The following RABGAP1 variants were observed in gnomAD, a reference collection of about 807,000 sequenced individuals.
RABGAP1 encodes the protein rab GTPase-activating protein 1.
Under a neutral mutation model 137.6 loss-of-function variants are expected in RABGAP1, and 23 were observed. That is an observed-to-expected ratio of 0.17 (90% confidence interval 0.12 to 0.24). The LOEUF (loss-of-function observed/expected upper bound fraction) is 0.24. Among genes scored for constraint, RABGAP1 ranks in the 10% least tolerant of loss-of-function variants. The pLI is 1.00. For synonymous variants in RABGAP1, 451 were observed against 450.7 expected, an observed-to-expected ratio of 1.00 and a Z score of -0.01; for missense variants, 906 against 1,275.8, an observed-to-expected ratio of 0.71 and a Z score of 4.42.
intron 19 of RABGAP1, among the ~76,000 whole-genome samples, chr9:123,086,410 G>C (rs1328268451): frequency 6.6e-6 from 1 of 152,208 alleles, no homozygotes; most frequent in African/African-American, 2.4e-5. Flanking sequence ...TTCTGGCCTG[G>C]AGAAGACATT....
rs1446893143 is a variant in RABGAP1 at position 123,104,224 on chromosome 9, G to C, written c.*1011G>C. ...TTTGCACAACAGGTTGTCCAAGTGA[G>C]AAAGACTGAGTTGCGTGTCTGTAAA... On this transcript the variant is annotated 3_prime_UTR_variant, in exon 26 of 26. Coordinates refer to ENST00000373647, the MANE Select transcript of RABGAP1 (RefSeq NM_012197.4). 3.3e-5 allele frequency: 5 copies of C among 152,652 alleles called. No homozygotes were observed. The East Asian group carries it at 9.7e-4, about 30-fold the overall frequency. The allele number at this position is 152,652 out of a possible 1,614,324, so 9.5% of individuals were successfully genotyped here. A position where few individuals can be genotyped will look rare whatever the true frequency, so the allele number is the denominator to read the frequency against.
At chr9:123,099,333 C>A in intron 23 of RABGAP1, 145 bp from the exon 24 acceptor site, 1 of 706,902 alleles carries the variant, frequency 1.4e-6, no homozygotes, top group Non-Finnish European at 2.4e-6. Flanking sequence ...CCTGCTTATC[C>A]ATCGACTTCA....
chr9:123,047,786 G>A (rs1002846223), intron 13 of RABGAP1, among the ~76,000 whole-genome samples: 2 of 151,934 alleles, frequency 1.3e-5, no homozygotes, highest in Non-Finnish European at 2.9e-5. Flanking sequence ...GACCTCTTAC[G>A]GAATTCTTAA....
chr9:123,067,295 A>G (rs2034207958), intron 14 of RABGAP1, among the ~76,000 whole-genome samples: 1 of 152,004 alleles, frequency 6.6e-6, no homozygotes, highest in African/African-American at 2.4e-5. Flanking sequence ...CTCTCTCTTC[A>G]CTGCCCTGGT....
intron 2 of RABGAP1, among the ~76,000 whole-genome samples, chr9:122,958,406 C>T (rs980851492): frequency 3.3e-5 from 5 of 152,068 alleles, no homozygotes; most frequent in Admixed American, 1.3e-4. Flanking sequence ...AATTTAGGTG[C>T]TGTGAAGAAT....
intron 1 of RABGAP1, among the ~76,000 whole-genome samples, chr9:122,948,013 T>C (rs1042047094): frequency 6.7e-6 from 1 of 149,922 alleles, no homozygotes; most frequent in East Asian, 2.0e-4. Context: ...TGAAAACCAG[T>C]GCAGTGAAAC....
chr9:122,977,491 C>CG (rs1310235900), intron 2 of RABGAP1, among the ~76,000 whole-genome samples: 1 of 152,162 alleles, frequency 6.6e-6, no homozygotes, highest in Non-Finnish European at 1.5e-5. Context: ...TACTTGAGGC[C>CG]AGGAGTTTGA....
intron 19 of RABGAP1, among the ~76,000 whole-genome samples, chr9:123,088,977 G>A (rs2034955002): frequency 1.3e-5 from 2 of 152,218 alleles, no homozygotes; most frequent in Non-Finnish European, 2.9e-5. Flanking sequence ...AGAGTAGTCA[G>A]AGCAGAGGCC....
In RABGAP1 at chr9:122,997,338, T is replaced by C. The variant is rs1362538928; in HGVS notation, c.1181T>C (p.Val394Ala). 4.4e-6 allele frequency: 7 copies of C among 1,608,848 alleles called. No homozygotes were observed. The highest frequency in any genetic ancestry group is 5.9e-6 in the Non-Finnish European group (7 of 1,176,478). The change falls in exon 9 of 26, where the codon GTT becomes GCT. Residue 394 changes from valine (V) to alanine (A), a missense_variant. By Grantham distance (64) the Val-to-Ala change is moderately conservative. Coordinates refer to ENST00000373647, the MANE Select transcript of RABGAP1 (RefSeq NM_012197.4). ...AATCCAAAATCCCCACATTTTCAAG[T>C]TGTAAATGAAGAAACTCCTAAAGGT... ...SWNPKSPHFQ[V>A]VNEETPKDKV...
upstream of RABGAP1, chr9:122,938,685 T>A (rs947078433): frequency 6.6e-6 from 1 of 152,338 alleles, no homozygotes; most frequent in East Asian, 1.9e-4. Context: ...ATGTTATGTA[T>A]CTAACATAAT....
Position 123,047,944 on chromosome 9 carries a change from T to G in RABGAP1, c.1795-17404T>G, listed in dbSNP as rs887333058. ...GTTTTTTTTTTTTTTTTTTTTTTTT[T>G]TTTTTTTTTTTGAGACGGAGTCTTG... On this transcript the variant is annotated intron_variant, in intron 13 of 25. Transcript: ENST00000373647. Among the ~76,000 whole-genome samples, 35 of 98,582 alleles carry G rather than the reference T, an allele frequency of 3.6e-4. 1 individual carries two copies. Among genetic ancestry groups the G allele is most frequent in the Middle Eastern group, 4.2e-3 (1 of 236 alleles). 64.7% of individuals were successfully genotyped at this position (98,582 alleles called of 152,430 possible).
intron 2 of RABGAP1, among the ~76,000 whole-genome samples, chr9:122,965,537 C>A (rs1270829274): frequency 6.6e-6 from 1 of 152,170 alleles, no homozygotes; most frequent in East Asian, 1.9e-4. Context: ...GCATGCACCA[C>A]CATGCTTGGC....
chr9:122,996,821 G>A, intron 8 of RABGAP1: 1 of 494,834 alleles, frequency 2.0e-6, no homozygotes, highest in Non-Finnish European at 3.6e-6. Context: ...GTGTGGTGGT[G>A]ATAAAATTCT....
At chr9:123,036,434 G>A (rs1484802096) in intron 13 of RABGAP1, among the ~76,000 whole-genome samples, 1 of 152,190 alleles carries the variant, frequency 6.6e-6, no homozygotes, top group Non-Finnish European at 1.5e-5. Flanking sequence ...AGCAAAATGT[G>A]CTTAAGCTAA....
At chr9:123,053,864 G>T (rs1233042047) in intron 13 of RABGAP1, among the ~76,000 whole-genome samples, 1 of 152,140 alleles carries the variant, frequency 6.6e-6, no homozygotes, top group Non-Finnish European at 1.5e-5. Flanking sequence ...GCCGTTCTTA[G>T]CTTTCTATTT....
intron 13 of RABGAP1, among the ~76,000 whole-genome samples, chr9:123,043,173 T>C (rs2033034910): frequency 6.6e-6 from 1 of 152,186 alleles, no homozygotes; most frequent in African/African-American, 2.4e-5. Context: ...TACTGAAGGA[T>C]ATGCTTCTCC....
intron 13 of RABGAP1, chr9:123,034,573 T>A (rs2032504782): frequency 1.3e-6 from 2 of 1,597,100 alleles, no homozygotes; most frequent in African/African-American, 2.7e-5. Context: ...CAAGATGAAC[T>A]CCACCTTGGA....
intron 13 of RABGAP1, among the ~76,000 whole-genome samples, chr9:123,048,026 G>A (rs1183309260): frequency 1.5e-5 from 2 of 131,960 alleles, no homozygotes; most frequent in East Asian, 2.4e-4. Context: ...GCGAACCTCC[G>A]CCTCCCAGGT....
At chr9:123,089,281 C>T (rs1461577354) in intron 19 of RABGAP1, among the ~76,000 whole-genome samples, 1 of 152,124 alleles carries the variant, frequency 6.6e-6, no homozygotes, top group Non-Finnish European at 1.5e-5. Flanking sequence ...TCCCAGATCT[C>T]CCAGTCCCTT....
Sources: allele counts gnomAD v4.1 joint callset (sites outside exome capture counted in the v4.1 genomes callset), GRCh38; gene constraint gnomAD v4.1.1; transcripts MANE v1.5; gene names NCBI Gene and HGNC (gene_info 2026-07-23, HGNC 2026-07-21).